SEM1: variants seen among roughly 807,000 people sequenced by gnomAD.
SEM1 encodes SEM1 26S proteasome subunit.
A neutral mutation model predicts 12.7 loss-of-function variants in SEM1; 3 were observed. That is an observed-to-expected ratio of 0.24 (90% CI 0.11 to 0.61). The LOEUF (loss-of-function observed/expected upper bound fraction) is 0.61, where lower values mean the gene tolerates loss of function less well. Among genes scored for constraint, SEM1 ranks in the 20% least tolerant of loss-of-function variants. The probability of loss-of-function intolerance (pLI) is 0.88; values close to 1 mark genes in which losing one functional copy is unlikely to be tolerated. For missense variants in SEM1, 59 were observed against 81.3 expected, an observed-to-expected ratio of 0.73 and a Z score of 1.06; for synonymous variants, 30 against 27.8, an observed-to-expected ratio of 1.08 and a Z score of -0.25.
chr7:96,535,512 T>C (rs1257416640), intron 2 of SEM1, among the ~76,000 whole-genome samples: 7 of 151,884 alleles, frequency 4.6e-5, no homozygotes, highest in African/African-American at 1.7e-4. Flanking sequence ...AGGTTTGTTA[T>C]ATAGGCAAAC....
At chr7:96,516,824 A>G (rs1407151579) in intron 2 of SEM1, among the ~76,000 whole-genome samples, 1 of 152,204 alleles carries the variant, frequency 6.6e-6, no homozygotes, top group African/African-American at 2.4e-5. Context: ...AGGAACCAAG[A>G]TGTCCTTCAA....
At chr7:96,556,556 A>G (rs1173434798) in intron 2 of SEM1, among the ~76,000 whole-genome samples, 1 of 152,056 alleles carries the variant, frequency 6.6e-6, no homozygotes, top group East Asian at 1.9e-4. Flanking sequence ...CTGCCGAGAA[A>G]TCCGCTGTTA....
chr7:96,604,234 A>G (rs985181364), intron 2 of SEM1, among the ~76,000 whole-genome samples: 1 of 152,192 alleles, frequency 6.6e-6, no homozygotes, highest in African/African-American at 2.4e-5. Context: ...GATCATTAAA[A>G]TATTACTTCC....
At chr7:96,577,137 A>G (rs1199289105) in intron 2 of SEM1, among the ~76,000 whole-genome samples, 2 of 151,982 alleles carry the variant, frequency 1.3e-5, no homozygotes, top group Non-Finnish European at 2.9e-5. Flanking sequence ...AATGGATACA[A>G]TATTTGATCT....
intron 2 of SEM1, among the ~76,000 whole-genome samples, chr7:96,546,005 C>G (rs1172387849): frequency 6.6e-6 from 1 of 152,018 alleles, no homozygotes; most frequent in East Asian, 1.9e-4. Flanking sequence ...ATATTTGTAC[C>G]CCATCCTTTG....
chr7:96,657,393 A>C (rs1320232241), intron 2 of SEM1, among the ~76,000 whole-genome samples: 3 of 152,182 alleles, frequency 2.0e-5, no homozygotes, highest in Non-Finnish European at 2.9e-5. Flanking sequence ...GTGACCCTAC[A>C]CTTCAGCATC....
rs149137746 is a variant in SEM1, at chr7:96,535,804, G to A, written c.171-29106C>T. Among the ~76,000 whole-genome samples the A allele has an allele frequency of 1.2e-3, 184 of 151,902 alleles. 2 individuals are homozygous for A. Among genetic ancestry groups the A allele is most frequent in the East Asian group, 7.0e-3 (36 of 5,150 alleles). ...AGGACATGATTTTTTACTTTGTTAC[G>A]GCTGTCTAGTATTCCATGGTATACA... On this transcript the variant is annotated intron_variant and NMD_transcript_variant, in intron 2 of 3. Coordinates refer to the SEM1 transcript ENST00000466986.
intron 1 of SEM1, among the ~76,000 whole-genome samples, chr7:96,495,791 G>A (rs936104998): frequency 2.6e-5 from 4 of 152,072 alleles, no homozygotes; most frequent in African/African-American, 9.7e-5. Flanking sequence ...TGGTATTGGT[G>A]AAATTACTTC....
chr7:96,593,937 GA>G (rs1178913580), intron 2 of SEM1, among the ~76,000 whole-genome samples: 1 of 151,292 alleles, frequency 6.6e-6, no homozygotes, highest in African/African-American at 2.4e-5. Flanking sequence ...AGCAAAACTG[GA>G]ATTTTTACCC....
rs183482500 is a variant in SEM1, at chr7:96,643,273, G to A, written c.171-20630C>T. ...CAGCTCCATCCATGTTCCTGCAAAG[G>A]GCATGATCTCATTCTTTTGTATGGC... On this transcript the variant is annotated intron_variant, in intron 2 of 2. Transcript: ENST00000417009. Among the ~76,000 whole-genome samples the A allele has an allele frequency of 2.9e-3, 445 of 152,082 alleles. 2 individuals are homozygous for A. The highest frequency in any genetic ancestry group is 4.1e-3 in the Non-Finnish European group (279 of 67,970).
At chr7:96,605,953 C>G (rs1209609411) in intron 2 of SEM1, among the ~76,000 whole-genome samples, 2 of 152,170 alleles carry the variant, frequency 1.3e-5, no homozygotes, top group African/African-American at 4.8e-5. Flanking sequence ...GTACATGCTA[C>G]CCTTCCGCTA....
chr7:96,694,935 AT>A, intron 1 of SEM1, 44 bp from the exon 2 acceptor site: 2 of 1,394,198 alleles, frequency 1.4e-6, no homozygotes, highest in South Asian at 1.2e-5. Flanking sequence ...CTCATACATT[AT>A]TTCCACAATT....
At chr7:96,606,981 A>G (rs1277682216) in intron 2 of SEM1, among the ~76,000 whole-genome samples, 1 of 152,224 alleles carries the variant, frequency 6.6e-6, no homozygotes, top group African/African-American at 2.4e-5. Flanking sequence ...TGTATCACTT[A>G]TAACAATGTT....
chr7:96,572,341 T>G (rs1332997151), intron 2 of SEM1, among the ~76,000 whole-genome samples: 1 of 152,186 alleles, frequency 6.6e-6, no homozygotes, highest in Non-Finnish European at 1.5e-5. Flanking sequence ...ATGTGTTTGC[T>G]CTTGCTTCTC....
chr7:96,700,401 G>C (rs1455736314), intron 1 of SEM1, among the ~76,000 whole-genome samples: 1 of 152,042 alleles, frequency 6.6e-6, no homozygotes, highest in Admixed American at 6.6e-5. Flanking sequence ...GGTATACTCG[G>C]GGTACTTGTT....
chr7:96,646,849 T>A (rs905292290), intron 2 of SEM1, among the ~76,000 whole-genome samples: 1 of 152,192 alleles, frequency 6.6e-6, no homozygotes, highest in Non-Finnish European at 1.5e-5. Flanking sequence ...TTAGCAGATA[T>A]CTATAAAGGG....
chr7:96,518,477 GGC>G (rs1804166316), intron 2 of SEM1, among the ~76,000 whole-genome samples: 1 of 152,104 alleles, frequency 6.6e-6, no homozygotes, highest in Non-Finnish European at 1.5e-5. Flanking sequence ...CTGTGTCTGT[GGC>G]ATGTGTAGGC....
chr7:96,650,443 T>A, intron 2 of SEM1: 1 of 735,922 alleles, frequency 1.4e-6, no homozygotes, highest in Non-Finnish European at 2.5e-6. Context: ...AATGTGTCCT[T>A]CATCTGACTT....
chr7:96,509,250 C>T (rs982340822), intron 2 of SEM1, among the ~76,000 whole-genome samples: 2 of 151,222 alleles, frequency 1.3e-5, no homozygotes, highest in Non-Finnish European at 2.9e-5. Flanking sequence ...AAGTGATCCA[C>T]CTGCCTTGGC....
Sources: gnomAD v4.1 joint callset for allele counts (sites outside exome capture counted in the v4.1 genomes callset) on GRCh38, gnomAD v4.1.1 for gene constraint, MANE v1.5 for transcripts, NCBI Gene and HGNC (gene_info 2026-07-23, HGNC 2026-07-21) for gene names.